The following CSMD3 variants were observed in gnomAD, a reference collection of about 807,000 sequenced individuals.
CSMD3 encodes the protein CUB and Sushi multiple domains 3.
A neutral mutation model predicts 435.2 loss-of-function variants in CSMD3; 177 were observed. The observed-to-expected ratio is 0.41, with a 90% CI of 0.36 to 0.46. The LOEUF is 0.46. Among genes scored for constraint, CSMD3 ranks in the 20% least tolerant of loss-of-function variants. The probability of loss-of-function intolerance (pLI) is 0.34; values close to 1 mark genes in which losing one functional copy is unlikely to be tolerated. For missense variants in CSMD3, 4,265 were observed against 4,504.6 expected (o/e 0.95, Z 1.52); for synonymous variants, 1,656 against 1,520.5 (o/e 1.09, Z -2.07).
At chr8:112,900,400 T>C (rs2082080466) in intron 10 of CSMD3, among the ~76,000 whole-genome samples, 1 of 151,286 alleles carries the variant, frequency 6.6e-6, no homozygotes, top group African/African-American at 2.4e-5. Flanking sequence ...AGGACAGGCA[T>C]AATATAGTGC....
intron 36 of CSMD3, among the ~76,000 whole-genome samples, chr8:112,390,154 T>C (rs1830295320): frequency 6.6e-6 from 1 of 152,222 alleles, no homozygotes; most frequent in Non-Finnish European, 1.5e-5. Flanking sequence ...TCTTGGTCAA[T>C]AAAACAGGAG....
Position 112,899,427 on chromosome 8 carries a change from T to C in CSMD3, c.1633+22200A>G, listed in dbSNP as rs540780162. On this transcript the variant is annotated intron_variant, in intron 10 of 70. Transcript: ENST00000297405. ...TGTGCATATAGGCACATTTTCACAT[T>C]GATATTTTCAAAAGTTATTTTCATT... Among the ~76,000 whole-genome samples, 278 of 149,518 alleles carry C rather than the reference T, an allele frequency of 1.9e-3. 3 individuals are homozygous for C. The highest frequency in any genetic ancestry group is 6.4e-3 in the African/African-American group (263 of 41,028).
intron 4 of CSMD3, among the ~76,000 whole-genome samples, chr8:113,122,028 C>G (rs930931817): frequency 6.6e-6 from 1 of 152,018 alleles, no homozygotes; most frequent in Non-Finnish European, 1.5e-5. Flanking sequence ...TTTTTTCCTT[C>G]TTAGGTCCAC....
At position 112,229,342 on chromosome 8, in the gene CSMD3, A is replaced by G. The variant is rs533287619; in HGVS notation, c.10829-451T>C. 5.3e-5 allele frequency among the ~76,000 whole-genome samples: 8 copies of G among 152,328 alleles called. No homozygotes were observed. The East Asian group carries it at 1.3e-3, about 26-fold the overall frequency. Reference sequence around the variant, plus strand: ...AGCACTGACATGAAATAGGAGTGGGAGGTTAAAAGAATAAACTATGGCTAG... The same window carrying G: ...AGCACTGACATGAAATAGGAGTGGGGGGTTAAAAGAATAAACTATGGCTAG... On this transcript the variant is annotated intron_variant, in intron 69 of 70. Transcript: ENST00000297405.
At chr8:112,876,080 G>A (rs1405558697) in intron 10 of CSMD3, among the ~76,000 whole-genome samples, 2 of 151,856 alleles carry the variant, frequency 1.3e-5, no homozygotes, top group Non-Finnish European at 2.9e-5. Context: ...TGATGTCGGT[G>A]ACCTTCTGAT....
intron 10 of CSMD3, among the ~76,000 whole-genome samples, chr8:112,902,793 A>G (rs1040909048): frequency 4.6e-5 from 7 of 151,340 alleles, no homozygotes; most frequent in Admixed American, 1.3e-4. Context: ...TGTCACAAAA[A>G]GCATTCAAAA....
At chr8:113,137,948 C>T (rs1168888237) in intron 4 of CSMD3, among the ~76,000 whole-genome samples, 1 of 151,544 alleles carries the variant, frequency 6.6e-6, no homozygotes, top group Admixed American at 6.6e-5. Flanking sequence ...TTCTCCTTAG[C>T]ACTCTTCAAT....
intron 1 of CSMD3, among the ~76,000 whole-genome samples, chr8:113,352,854 G>A (rs2094198870): frequency 6.6e-6 from 1 of 152,170 alleles, no homozygotes; most frequent in South Asian, 2.1e-4. Flanking sequence ...CAAGGTGTTT[G>A]AATTGCACTT....
rs56269027 is a variant in CSMD3 at position 113,318,786 on chromosome 8, ATGTGTGTGTG to A, written c.179-4003_179-3994del. Among the ~76,000 whole-genome samples the A allele has an allele frequency of 3.3e-3, 458 of 140,110 alleles. 3 individuals carry two copies. Among genetic ancestry groups the A allele is most frequent in the South Asian group, 6.1e-3 (26 of 4,228 alleles). 91.9% of individuals were successfully genotyped at this position (140,110 alleles called of 152,430 possible). A position where few individuals can be genotyped will look rare whatever the true frequency, so the allele number is the denominator to read the frequency against. On this transcript the variant is annotated intron_variant, in intron 1 of 70. Coordinates refer to ENST00000297405, the MANE Select transcript of CSMD3 (RefSeq NM_198123.2). ...ATTTCCTCTTTTAAGGCTGAATAAG[ATGTGTGTGTG>A]TGTGTGTGTGTGTGTGTGTGTGTGT... is the stretch of plus-strand genomic sequence containing the variant.
chr8:112,899,432 T>C (rs1329611626), intron 10 of CSMD3, among the ~76,000 whole-genome samples: 1 of 149,332 alleles, frequency 6.7e-6, no homozygotes, highest in Admixed American at 6.7e-5. Flanking sequence ...CACATTGATA[T>C]TTTCAAAAGT....
At chr8:112,478,634 A>G (rs1180066493) in intron 31 of CSMD3, among the ~76,000 whole-genome samples, 1 of 152,140 alleles carries the variant, frequency 6.6e-6, no homozygotes, top group Admixed American at 6.5e-5. Flanking sequence ...TGGCCTGGCT[A>G]CTTCTAACAA....
intron 6 of CSMD3, among the ~76,000 whole-genome samples, chr8:113,014,591 T>A (rs2086381489): frequency 6.6e-6 from 1 of 152,118 alleles, no homozygotes; most frequent in Non-Finnish European, 1.5e-5. Flanking sequence ...TAATTAATCA[T>A]CATTTTCAGG....
intron 7 of CSMD3, among the ~76,000 whole-genome samples, chr8:112,965,937 T>C (rs539737648): frequency 2.6e-5 from 4 of 151,960 alleles, no homozygotes; most frequent in African/African-American, 7.2e-5. Context: ...AAATGATAAA[T>C]TGGTACATTT....
At chr8:113,285,843 A>G (rs1405155515) in intron 2 of CSMD3, among the ~76,000 whole-genome samples, 8 of 152,214 alleles carry the variant, frequency 5.3e-5, no homozygotes, top group African/African-American at 1.9e-4. Flanking sequence ...GTAAACTCAT[A>G]CTAATGAATA....
At chr8:112,865,975 CT>C (rs969143647) in intron 10 of CSMD3, among the ~76,000 whole-genome samples, 5 of 152,044 alleles carry the variant, frequency 3.3e-5, no homozygotes. Context: ...AAGCTTCTAC[CT>C]TTTGGTGAAT....
intron 9 of CSMD3, among the ~76,000 whole-genome samples, chr8:112,922,117 A>C (rs1371468808): frequency 6.6e-6 from 1 of 152,096 alleles, no homozygotes; most frequent in Non-Finnish European, 1.5e-5. Context: ...GTGTCTCTAC[A>C]TGTGTATGCA....
chr8:112,238,093 G>A (rs1376616107), intron 66 of CSMD3, among the ~76,000 whole-genome samples: 1 of 151,868 alleles, frequency 6.6e-6, no homozygotes, highest in African/African-American at 2.4e-5. Context: ...GTAATTTAAA[G>A]TTATATAAAT....
chr8:112,676,896 T>C (rs2075781573), intron 16 of CSMD3, among the ~76,000 whole-genome samples: 1 of 152,144 alleles, frequency 6.6e-6, no homozygotes, highest in African/African-American at 2.4e-5. Context: ...GGCTTATTAC[T>C]GGCAAATTCA....
intron 13 of CSMD3, among the ~76,000 whole-genome samples, chr8:112,736,015 G>A (rs925855686): frequency 6.6e-6 from 1 of 151,976 alleles, no homozygotes; most frequent in Non-Finnish European, 1.5e-5. Context: ...TATAGAGAGA[G>A]CTGTGTCCAA....
Sources: allele counts gnomAD v4.1 joint callset (sites outside exome capture counted in the v4.1 genomes callset), GRCh38; gene constraint gnomAD v4.1.1; transcripts MANE v1.5; gene names NCBI Gene and HGNC (gene_info 2026-07-23, HGNC 2026-07-21).